CCDC7: variants seen among roughly 807,000 people sequenced by gnomAD.
CCDC7 encodes coiled-coil domain containing 7, also known as coiled-coil domain-containing protein 7.
A neutral mutation model predicts 196.9 loss-of-function variants in CCDC7; 183 were observed. The observed-to-expected ratio is 0.93, with a 90% CI of 0.82 to 1.05. The LOEUF (loss-of-function observed/expected upper bound fraction) is 1.05. Ranked by LOEUF, CCDC7 falls within the 50% of genes least tolerant of loss-of-function variation. The pLI is 0.00. For synonymous variants in CCDC7, 525 were observed against 484.6 expected, an observed-to-expected ratio of 1.08 and a Z score of -1.10; for missense variants, 1,540 against 1,482.2, an observed-to-expected ratio of 1.04 and a Z score of -0.64.
chr10:32,810,473 A>G (rs1407146356), intron 30 of CCDC7, among the ~76,000 whole-genome samples: 1 of 152,144 alleles, frequency 6.6e-6, no homozygotes, highest in African/African-American at 2.4e-5. Flanking sequence ...GGATATACCA[A>G]TTTTAAACTT....
chr10:32,537,161 C>A (rs2050648424), intron 11 of CCDC7, among the ~76,000 whole-genome samples: 1 of 152,130 alleles, frequency 6.6e-6, no homozygotes, highest in Non-Finnish European at 1.5e-5. Context: ...TCACTGGCAT[C>A]TGTTACTTTT....
chr10:32,574,060 G>T (rs2057901673), intron 16 of CCDC7, among the ~76,000 whole-genome samples: 1 of 152,188 alleles, frequency 6.6e-6, no homozygotes, highest in Admixed American at 6.5e-5. Flanking sequence ...TTTAATTTTA[G>T]AAAGATGGTT....
At chr10:32,643,778 T>A (rs1027578314) in intron 20 of CCDC7, among the ~76,000 whole-genome samples, 3 of 151,760 alleles carry the variant, frequency 2.0e-5, no homozygotes, top group Non-Finnish European at 4.4e-5. Flanking sequence ...GTAGAAACAC[T>A]TTCATGATTT....
At chr10:32,832,276 G>T (rs2092261203) in intron 32 of CCDC7, among the ~76,000 whole-genome samples, 1 of 152,092 alleles carries the variant, frequency 6.6e-6, no homozygotes, top group African/African-American at 2.4e-5. Context: ...CCAAGGTGGG[G>T]GTGGATCACT....
intron 8 of CCDC7, 43 bp from the exon 10 acceptor site, chr10:32,491,879 C>G: frequency 2.0e-6 from 3 of 1,511,324 alleles, no homozygotes; most frequent in Non-Finnish European, 2.6e-6. Context: ...ATAACTTAAG[C>G]TATTTATAAA....
chr10:32,814,558 C>A, intron 31 of CCDC7, 105 bp downstream of exon 32: 1 of 737,878 alleles, frequency 1.4e-6, no homozygotes, highest in Non-Finnish European at 2.3e-6. Flanking sequence ...TGAATTATTA[C>A]ATAGGCAAAA....
At chr10:32,456,277 G>T in exon 3 of CCDC7, 1 of 1,567,530 alleles carries the variant, frequency 6.4e-7, no homozygotes, top group South Asian at 1.2e-5. Flanking sequence ...ATTCATTCTT[G>T]ACATATTGTT....
intron 3 of CCDC7, among the ~76,000 whole-genome samples, chr10:32,461,645 A>G (rs1049257733): frequency 6.7e-6 from 1 of 149,396 alleles, no homozygotes; most frequent in Non-Finnish European, 1.5e-5. Context: ...TATGAAAAAA[A>G]TATAATGCTC....
At chr10:32,770,673 C>T (rs1038711199) in intron 28 of CCDC7, among the ~76,000 whole-genome samples, 1 of 152,082 alleles carries the variant, frequency 6.6e-6, no homozygotes, top group Non-Finnish European at 1.5e-5. Flanking sequence ...TCTCTGTTGA[C>T]TTTTTGTCTC....
chr10:32,859,859 C>T (rs1169983859), intron 41 of CCDC7, among the ~76,000 whole-genome samples: 1 of 152,098 alleles, frequency 6.6e-6, no homozygotes, highest in Non-Finnish European at 1.5e-5. Context: ...CAAGACTAAA[C>T]CAGGAAGAGG....
intron 29 of CCDC7, among the ~76,000 whole-genome samples, chr10:32,790,124 A>G (rs1434046663): frequency 6.6e-6 from 1 of 152,074 alleles, no homozygotes; most frequent in Non-Finnish European, 1.5e-5. Flanking sequence ...CCAGACTGGC[A>G]TTACACCTTA....
intron 29 of CCDC7, among the ~76,000 whole-genome samples, chr10:32,783,858 T>G (rs1197861178): frequency 6.6e-6 from 1 of 152,194 alleles, no homozygotes; most frequent in Admixed American, 6.5e-5. Context: ...TGAATGAATC[T>G]TGAAATATTA....
chr10:32,790,764 G>GCCA (rs1338263581), intron 29 of CCDC7, among the ~76,000 whole-genome samples: 1 of 152,128 alleles, frequency 6.6e-6, no homozygotes, highest in African/African-American at 2.4e-5. Context: ...AGCTACTGAA[G>GCCA]AGTGCCTCAG....
intron 8 of CCDC7, chr10:32,481,786 A>G (rs555322677): frequency 6.6e-6 from 1 of 151,248 alleles, no homozygotes; most frequent in African/African-American, 2.4e-5. Context: ...TTTCTGGGTA[A>G]GGTATTCTTG....
intron 28 of CCDC7, among the ~76,000 whole-genome samples, chr10:32,775,394 T>G (rs1481156414): frequency 6.6e-6 from 1 of 152,148 alleles, no homozygotes; most frequent in Admixed American, 6.6e-5. Flanking sequence ...GATATAAAAA[T>G]AGAAAATAAC....
chr10:32,721,266 TC>T (rs2082378521), intron 25 of CCDC7, among the ~76,000 whole-genome samples: 1 of 152,136 alleles, frequency 6.6e-6, no homozygotes, highest in South Asian at 2.1e-4. Context: ...AAAATTTGTC[TC>T]ATGAAGAATG....
intron 16 of CCDC7, among the ~76,000 whole-genome samples, chr10:32,573,737 A>G (rs2057863528): frequency 1.3e-5 from 2 of 152,200 alleles, no homozygotes; most frequent in African/African-American, 4.8e-5. Flanking sequence ...TTTTCCCCCT[A>G]GAAATGTTGA....
intron 41 of CCDC7, among the ~76,000 whole-genome samples, chr10:32,868,809 A>T (rs2094311926): frequency 6.8e-6 from 1 of 146,134 alleles, no homozygotes. Flanking sequence ...ATGAGTGAGA[A>T]CATGTGGTGT....
At chr10:32,873,125 C>A (rs1313219503) in intron 41 of CCDC7, among the ~76,000 whole-genome samples, 3 of 152,082 alleles carry the variant, frequency 2.0e-5, no homozygotes, top group Non-Finnish European at 2.9e-5. Context: ...TAATATCCTG[C>A]TGAGTGTTTT....
Sources: gnomAD v4.1 joint callset for allele counts (sites outside exome capture counted in the v4.1 genomes callset) on GRCh38, gnomAD v4.1.1 for gene constraint, MANE v1.5 for transcripts, NCBI Gene and HGNC (gene_info 2026-07-23, HGNC 2026-07-21) for gene names.